Variants in TTC3 observed in about 807,000 individuals in gnomAD.
TTC3 encodes tetratricopeptide repeat domain 3.
In TTC3, 180 loss-of-function variants were observed where a neutral mutation model predicts 249.6. The ratio of observed to expected loss-of-function variants is 0.72; its 90% CI spans 0.64 to 0.82. The LOEUF (loss-of-function observed/expected upper bound fraction) is 0.82, where lower values mean the gene tolerates loss of function less well. Among genes scored for constraint, TTC3 ranks in the 40% least tolerant of loss-of-function variants. The probability of loss-of-function intolerance (pLI) is 0.00; values close to 1 mark genes in which losing one functional copy is unlikely to be tolerated. For synonymous variants in TTC3, 717 were observed against 805.0 expected (o/e 0.89, Z 1.85); for missense variants, 2,061 against 2,398.4 (o/e 0.86, Z 2.94).
At chr21:37,128,030 G>A (rs962432567) in intron 15 of TTC3, among the ~76,000 whole-genome samples, 1 of 152,114 alleles carries the variant, frequency 6.6e-6, no homozygotes, top group African/African-American at 2.4e-5. Flanking sequence ...TTTACATACA[G>A]GGGAAGAAAT....
intron 5 of TTC3, 77 bp downstream of exon 5, chr21:37,088,963 G>T: frequency 7.6e-7 from 1 of 1,322,312 alleles, no homozygotes; most frequent in South Asian, 1.3e-5. Flanking sequence ...AGGCTCAAAT[G>T]ACTAATTTAT....
intron 10 of TTC3, chr21:37,101,222 C>T (rs796912196): frequency 1.4e-4 from 22 of 152,252 alleles, no homozygotes; most frequent in African/African-American, 4.8e-4. Context: ...CCATCAGATC[C>T]CAACTGTGAT....
chr21:37,147,514 T>G (rs1435691220), exon 22 of TTC3: 2 of 1,609,704 alleles, frequency 1.2e-6, no homozygotes, highest in African/African-American at 1.3e-5. Flanking sequence ...AGAATGCAAG[T>G]TCCCTCCAGT....
At position 37,192,229 on chromosome 21, in the gene TTC3, C is replaced by CTTT. The variant is rs202143959; in HGVS notation, c.5217+28_5217+30dup. The CTTT allele has an allele frequency of 3.4e-5, 42 of 1,219,228 alleles. No homozygotes were observed. Among genetic ancestry groups the CTTT allele is most frequent in the South Asian group, 6.3e-5 (4 of 63,294 alleles). The allele number at this position is 1,219,228 out of a possible 1,614,324, so 75.5% of individuals were successfully genotyped here. On this transcript the variant is annotated intron_variant, in intron 41 of 45. Coordinates refer to ENST00000355666, the Ensembl canonical transcript of TTC3. ...CTGTAACACGGTAAGTCTAGCACAT[C>CTTT]TTTTTTTTTTTTTTAAACCATAATT...
intron 10 of TTC3, among the ~76,000 whole-genome samples, chr21:37,102,404 A>G (rs2074600604): frequency 6.6e-6 from 1 of 152,248 alleles, no homozygotes; most frequent in African/African-American, 2.4e-5. Context: ...AAGAGAGTCA[A>G]TAAATAGCAT....
rs1376562632 is a variant in TTC3 at position 37,159,654 on chromosome 21, G to T, written c.2993-45G>T. ...AGGCTTTAGTGTACTATATGGAAATGTAAATATTTAGTTTTCTCACAAAAC... is the reference window on the plus strand; with the variant it reads ...AGGCTTTAGTGTACTATATGGAAATTTAAATATTTAGTTTTCTCACAAAAC... On this transcript the variant is annotated intron_variant, in intron 28 of 45. Transcript: ENST00000355666. 2.5e-6 allele frequency: 4 copies of T among 1,587,316 alleles called. No individual in the cohort carries two copies. The African/African-American group carries it at 5.4e-5, about 21-fold the overall frequency.
chr21:37,075,234 C>A (rs1347995437), intron 1 of TTC3, among the ~76,000 whole-genome samples: 5 of 141,076 alleles, frequency 3.5e-5, no homozygotes, highest in African/African-American at 1.3e-4. Context: ...ATTGTGTTAT[C>A]TTTGGTTCAT....
chr21:37,138,599 A>G, intron 18 of TTC3, 35 bp from the exon 19 acceptor site: 2 of 1,506,100 alleles, frequency 1.3e-6, no homozygotes, highest in Non-Finnish European at 1.8e-6. Context: ...GCAGAATTAT[A>G]TTCAGATTTT....
intron 45 of TTC3, 130 bp downstream of exon 45, chr21:37,200,454 C>T (rs546371142): frequency 1.5e-5 from 15 of 1,006,034 alleles, no homozygotes; most frequent in African/African-American, 3.3e-5. Flanking sequence ...GCAAACCTCC[C>T]GTGTCAGTGT....
intron 16 of TTC3, 49 bp downstream of exon 16, chr21:37,129,112 C>T: frequency 4.3e-6 from 6 of 1,388,092 alleles, no homozygotes; most frequent in Non-Finnish European, 5.9e-6. Context: ...TATACTCTTC[C>T]CAAGAAAAAG....
At chr21:37,190,130 CTTTTTTTTTTTTTTTTTT>C (rs138862573) in intron 39 of TTC3, among the ~76,000 whole-genome samples, 6 of 65,024 alleles carry the variant, frequency 9.2e-5, no homozygotes, top group Admixed American at 2.4e-4. Flanking sequence ...CTTTTTCTTT[CTTTTTTTTTTTTTTTTTT>C]TTTTTTTTTT....
intron 1 of TTC3, among the ~76,000 whole-genome samples, chr21:37,077,526 C>T (rs1299866422): frequency 6.6e-6 from 1 of 152,160 alleles, no homozygotes; most frequent in East Asian, 1.9e-4. Flanking sequence ...CTTTGGCCAG[C>T]AGTTTTGTCT....
intron 16 of TTC3, among the ~76,000 whole-genome samples, chr21:37,132,373 C>T (rs1236847691): frequency 2.0e-5 from 3 of 150,612 alleles, no homozygotes; most frequent in Non-Finnish European, 4.4e-5. Flanking sequence ...CTCTGTCGCC[C>T]AGGCTGGAGT....
At chr21:37,138,546 T>C (rs776921188) in intron 18 of TTC3, 88 bp from the exon 19 acceptor site, 35 of 798,778 alleles carry the variant, frequency 4.4e-5, no homozygotes, top group Non-Finnish European at 6.9e-5. Context: ...ATTAGTGAGA[T>C]TCTATTACAC....
intron 10 of TTC3, among the ~76,000 whole-genome samples, chr21:37,104,235 C>G (rs2074824065): frequency 6.6e-6 from 1 of 152,040 alleles, no homozygotes. Flanking sequence ...ATTGGGATTG[C>G]TGGAAGAGGA....
rs746987544 is a variant in TTC3, at chr21:37,196,075, T to C, written c.5579+39T>C. On this transcript the variant is annotated intron_variant, in intron 42 of 45. Transcript: ENST00000355666. ...ATGTCTGTGACTGTGTTTAATACTT[T>C]ATCGAACTGAGGTTTCCTGATTAGA... The C allele has an allele frequency of 6.2e-6, 10 of 1,602,074 alleles. No homozygotes were observed. In the South Asian group the frequency reaches 1.1e-4, roughly 18 times the overall value.
intron 2 of TTC3, 85 bp downstream of exon 2, chr21:37,087,486 G>T (rs2072656418): frequency 6.5e-7 from 1 of 1,527,942 alleles, no homozygotes; most frequent in Non-Finnish European, 8.9e-7. Flanking sequence ...AGATGTTTTT[G>T]TGGTACGTGC....
intron 45 of TTC3, among the ~76,000 whole-genome samples, chr21:37,201,077 C>T (rs1399050629): frequency 2.0e-5 from 3 of 152,178 alleles, no homozygotes; most frequent in Admixed American, 2.0e-4. Flanking sequence ...AAGGCCAGGC[C>T]AAGGGATGGG....
chr21:37,171,484 A>G (rs1320655907), intron 34 of TTC3, among the ~76,000 whole-genome samples: 4 of 152,216 alleles, frequency 2.6e-5, no homozygotes, highest in Non-Finnish European at 5.9e-5. Context: ...ATGTAATAAC[A>G]TAGAGGTGGC....
Sources: gnomAD v4.1 joint callset for allele counts (sites outside exome capture counted in the v4.1 genomes callset) on GRCh38, gnomAD v4.1.1 for gene constraint, MANE v1.5 for transcripts, NCBI Gene and HGNC (gene_info 2026-07-23, HGNC 2026-07-21) for gene names.